Variants in TIAM2 observed in about 807,000 individuals in gnomAD.
The protein encoded by TIAM2 is rho guanine nucleotide exchange factor TIAM2.
Under a neutral mutation model 152.9 loss-of-function variants are expected in TIAM2, and 80 were observed. That is an observed-to-expected ratio of 0.52 (90% CI 0.44 to 0.63). TIAM2 has a LOEUF of 0.63. Ranked by LOEUF, TIAM2 falls within the 30% of genes least tolerant of loss-of-function variation. The pLI is 0.00. For synonymous variants in TIAM2, 804 were observed against 838.0 expected (o/e 0.96, Z 0.70); for missense variants, 1,965 against 2,120.1 (o/e 0.93, Z 1.44).
chr6:155,067,210 C>T (rs1777713786), intron 1 of TIAM2, among the ~76,000 whole-genome samples: 1 of 152,098 alleles, frequency 6.6e-6, no homozygotes, highest in African/African-American at 2.4e-5. Context: ...TGGGATGGCA[C>T]AGAGCATATT....
At chr6:155,076,091 T>C (rs1889488) in intron 1 of TIAM2, among the ~76,000 whole-genome samples, 127,580 of 152,074 alleles carry the variant, frequency 0.84, 53,593 homozygotes, top group East Asian at 0.99. Flanking sequence ...ACCTGTCTCA[T>C]GAGGTCAGGT....
intron 1 of TIAM2, among the ~76,000 whole-genome samples, chr6:155,007,067 A>G (rs1260973688): frequency 1.3e-5 from 2 of 152,218 alleles, no homozygotes; most frequent in African/African-American, 4.8e-5. Flanking sequence ...GGTGTAAGCC[A>G]CTGCGGCTGG....
intron 4 of TIAM2, among the ~76,000 whole-genome samples, chr6:155,136,719 T>C (rs1779564655): frequency 6.6e-6 from 1 of 152,194 alleles, no homozygotes; most frequent in Non-Finnish European, 1.5e-5. Context: ...TGAGTCCCTG[T>C]CTTCCCCACC....
At chr6:155,100,014 T>TC (rs1386159108) in intron 2 of TIAM2, among the ~76,000 whole-genome samples, 1 of 151,414 alleles carries the variant, frequency 6.6e-6, no homozygotes, top group East Asian at 1.9e-4. Flanking sequence ...AAATATGGTA[T>TC]CATAATCACG....
intron 1 of TIAM2, among the ~76,000 whole-genome samples, chr6:155,055,447 C>T (rs1777424511): frequency 6.6e-6 from 1 of 152,160 alleles, no homozygotes; most frequent in Non-Finnish European, 1.5e-5. Flanking sequence ...GTTATGTCTT[C>T]AGTCACTAAA....
At chr6:155,045,939 T>G (rs1472568307) in intron 1 of TIAM2, among the ~76,000 whole-genome samples, 1 of 150,654 alleles carries the variant, frequency 6.6e-6, no homozygotes, top group East Asian at 2.0e-4. Flanking sequence ...GGGTTCTGTT[T>G]TAATGAGGAA....
intron 7 of TIAM2, among the ~76,000 whole-genome samples, chr6:155,155,570 G>T (rs984757005): frequency 3.4e-4 from 51 of 152,212 alleles, no homozygotes; most frequent in African/African-American, 1.2e-3. Context: ...TGCCTCCAGG[G>T]TTCCAGTGAT....
intron 2 of TIAM2, among the ~76,000 whole-genome samples, chr6:155,123,196 T>TC (rs397780071): frequency 2.0e-5 from 3 of 152,038 alleles, no homozygotes; most frequent in Non-Finnish European, 4.4e-5. Context: ...TTTTTTTTTT[T>TC]CTTCCCTGCC....
intron 1 of TIAM2, among the ~76,000 whole-genome samples, chr6:155,041,325 A>G (rs899963713): frequency 6.6e-6 from 1 of 152,174 alleles, no homozygotes; most frequent in African/African-American, 2.4e-5. Context: ...TGGTGAATTG[A>G]AAGTTGCTCT....
intron 9 of TIAM2, among the ~76,000 whole-genome samples, chr6:155,172,655 TA>T (rs1562340941): frequency 0.013 from 161 of 12,386 alleles, 6 homozygotes; most frequent in Middle Eastern, 0.056. Context: ...TATATATATA[TA>T]TATATATATA....
chr6:155,257,601 G>GTT lies in TIAM2; in HGVS notation c.*482_*483dup, dbSNP rs1784150238. On this transcript the variant is annotated 3_prime_UTR_variant, in exon 27 of 27. Transcript: ENST00000682666. Reference sequence around the variant, plus strand: ...TGTAAGATAGATTGTAATAGATGCTGTTTATACTAAACATGTCATAACTAT... The same window carrying GTT: ...TGTAAGATAGATTGTAATAGATGCTGTTTTTATACTAAACATGTCATAACTAT... 2.0e-6 allele frequency: 1 copy of GTT among 510,534 alleles called. No homozygotes were observed. 31.6% of individuals were successfully genotyped at this position (510,534 alleles called of 1,614,324 possible). A position where few individuals can be genotyped will look rare whatever the true frequency, so the allele number is the denominator to read the frequency against.
chr6:155,149,532 G>A (rs1426129824), intron 7 of TIAM2, among the ~76,000 whole-genome samples: 1 of 152,154 alleles, frequency 6.6e-6, no homozygotes, highest in African/African-American at 2.4e-5. Context: ...AATTTTACAT[G>A]TGGTGTTTTA....
intron 1 of TIAM2, among the ~76,000 whole-genome samples, chr6:155,056,197 A>G (rs9371853): frequency 8.0e-6 from 1 of 125,134 alleles, no homozygotes; most frequent in Admixed American, 8.8e-5. Flanking sequence ...TTTGAGACAG[A>G]GTCTCGCTCT....
chr6:155,101,955 G>C (rs1276582920), intron 2 of TIAM2, among the ~76,000 whole-genome samples: 1 of 151,766 alleles, frequency 6.6e-6, no homozygotes, highest in African/African-American at 2.4e-5. Flanking sequence ...GCCTGCCTTG[G>C]CCTCCCAAAG....
chr6:155,188,728 C>T (rs557060824), intron 14 of TIAM2, among the ~76,000 whole-genome samples: 108 of 152,286 alleles, frequency 7.1e-4, no homozygotes, highest in Non-Finnish European at 1.4e-3. Flanking sequence ...AACATTCCAG[C>T]AGCTTTTAAG....
intron 14 of TIAM2, among the ~76,000 whole-genome samples, chr6:155,183,983 T>G (rs1412792616): frequency 6.6e-6 from 1 of 152,072 alleles, no homozygotes; most frequent in Admixed American, 6.5e-5. Context: ...TTTTTAAAAT[T>G]TATTTTTATT....
rs1435008980 is a variant in TIAM2, at chr6:155,220,142, A to G, written c.3168+8835A>G. On this transcript the variant is annotated intron_variant, in intron 15 of 26. Transcript: ENST00000682666. The stretch of plus-strand genomic sequence containing the variant: ...AAAAGTGGGCAGTGGGGCTGTTGGC[A>G]TGGTCTGTGCTGTGGGCTAACTGGG... Among the ~76,000 whole-genome samples the G allele has an allele frequency of 2.0e-5, 3 of 152,304 alleles. No individual in the cohort carries two copies. The East Asian group carries it at 5.8e-4, about 29-fold the overall frequency.
At chr6:155,250,236 G>T (rs562703672) in intron 21 of TIAM2, among the ~76,000 whole-genome samples, 1 of 151,634 alleles carries the variant, frequency 6.6e-6, no homozygotes, top group East Asian at 1.9e-4. Flanking sequence ...GTGGGGTGGA[G>T]AAAGGACATG....
intron 7 of TIAM2, among the ~76,000 whole-genome samples, chr6:155,155,333 C>T (rs182859612): frequency 1.2e-3 from 184 of 152,122 alleles, no homozygotes; most frequent in African/African-American, 4.0e-3. Context: ...TGTGCCACTA[C>T]GTCCTGGTAA....
Sources: gnomAD v4.1 joint callset for allele counts (sites outside exome capture counted in the v4.1 genomes callset) on GRCh38, gnomAD v4.1.1 for gene constraint, MANE v1.5 for transcripts, NCBI Gene and HGNC (gene_info 2026-07-23, HGNC 2026-07-21) for gene names.